NEDD4L: variants seen among roughly 807,000 people sequenced by gnomAD.
NEDD4L encodes the protein NEDD4 like E3 ubiquitin protein ligase, also known as E3 ubiquitin-protein ligase NEDD4-like.
In NEDD4L, 54 loss-of-function variants were observed where a neutral mutation model predicts 148.9. The ratio of observed to expected loss-of-function variants is 0.36; its 90% CI spans 0.29 to 0.45. The LOEUF (loss-of-function observed/expected upper bound fraction) is 0.45, where lower values mean the gene tolerates loss of function less well. Among genes scored for constraint, NEDD4L ranks in the 20% least tolerant of loss-of-function variants. The probability of loss-of-function intolerance (pLI) is 1.00; values close to 1 mark genes in which losing one functional copy is unlikely to be tolerated. For synonymous variants in NEDD4L, 433 were observed against 440.7 expected (o/e 0.98, Z 0.22); for missense variants, 856 against 1,233.8 (o/e 0.69, Z 4.59).
At chr18:58,081,907 G>T (rs2083451324) in intron 1 of NEDD4L, among the ~76,000 whole-genome samples, 1 of 151,560 alleles carries the variant, frequency 6.6e-6, no homozygotes, top group African/African-American at 2.4e-5. Flanking sequence ...ATAGTTGGTG[G>T]TAACTACCTA....
Position 58,185,344 on chromosome 18 carries a change from G to A in NEDD4L, c.122+19483G>A, listed in dbSNP as rs191766425. Reference sequence around the variant, plus strand: ...TATGAAACACTTTAAAACTCCCGGTGTCCACACGTCTTTAAAAAAGAGGCT... The same window carrying A: ...TATGAAACACTTTAAAACTCCCGGTATCCACACGTCTTTAAAAAAGAGGCT... On this transcript the variant is annotated intron_variant, in intron 2 of 30. Coordinates refer to ENST00000400345, the MANE Select transcript of NEDD4L (RefSeq NM_001144967.3). 1.0e-3 allele frequency among the ~76,000 whole-genome samples: 157 copies of A among 152,270 alleles called. 1 individual carries two copies. The highest frequency in any genetic ancestry group is 3.5e-3 in the African/African-American group (147 of 41,538).
At chr18:58,380,515 A>C (rs2048204251) in intron 24 of NEDD4L, among the ~76,000 whole-genome samples, 1 of 151,898 alleles carries the variant, frequency 6.6e-6, no homozygotes, top group Non-Finnish European at 1.5e-5. Flanking sequence ...GATGGGTTTT[A>C]CCATGTTGGC....
intron 5 of NEDD4L, among the ~76,000 whole-genome samples, chr18:58,279,281 G>C (rs2052635567): frequency 2.0e-5 from 3 of 152,140 alleles, no homozygotes. Context: ...GTACCAAAAA[G>C]ATAATGCACA....
intron 1 of NEDD4L, chr18:58,091,161 C>G (rs920301022): frequency 6.6e-6 from 1 of 152,274 alleles, no homozygotes; most frequent in Admixed American, 6.5e-5. Context: ...CCTGTGTTTC[C>G]ACAACAACTC....
intron 2 of NEDD4L, among the ~76,000 whole-genome samples, chr18:58,234,741 A>T (rs158869): frequency 6.6e-6 from 1 of 151,884 alleles, no homozygotes; most frequent in Non-Finnish European, 1.5e-5. Flanking sequence ...TAGAGAATGG[A>T]TCAAGACGAG....
At chr18:58,389,014 T>C in intron 27 of NEDD4L, 71 bp from the exon 28 acceptor site, 1 of 1,186,500 alleles carries the variant, frequency 8.4e-7, no homozygotes, top group Non-Finnish European at 1.2e-6. Context: ...GCACTGAGGG[T>C]GGTCATTTCT....
At chr18:58,114,667 CT>C (rs60575830) in intron 1 of NEDD4L, among the ~76,000 whole-genome samples, 31,580 of 151,922 alleles carry the variant, frequency 0.21, 4,912 homozygotes, top group African/African-American at 0.44. Context: ...GCTATTATAT[CT>C]CATAGTCATA....
chr18:58,055,861 G>A (rs115047703), intron 1 of NEDD4L, among the ~76,000 whole-genome samples: 20 of 152,288 alleles, frequency 1.3e-4, no homozygotes, highest in Non-Finnish European at 2.8e-4. Context: ...TTTTGTGTGT[G>A]CTATGGAAAT....
intron 2 of NEDD4L, among the ~76,000 whole-genome samples, chr18:58,235,317 T>C (rs948416432): frequency 1.8e-4 from 27 of 152,178 alleles, no homozygotes; most frequent in African/African-American, 6.0e-4. Context: ...GTGTCTCCCT[T>C]GGCTAGACCT....
intron 12 of NEDD4L, 102 bp downstream of exon 12, chr18:58,333,994 C>A: frequency 1.4e-6 from 1 of 695,620 alleles, no homozygotes; most frequent in Non-Finnish European, 2.3e-6. Flanking sequence ...AATTTATTTA[C>A]AATATAAATG....
At chr18:58,175,905 C>A (rs994534662) in intron 2 of NEDD4L, among the ~76,000 whole-genome samples, 3 of 152,196 alleles carry the variant, frequency 2.0e-5, no homozygotes, top group Non-Finnish European at 4.4e-5. Flanking sequence ...ACCACCCAGC[C>A]GACCAGGTTT....
At chr18:58,204,048 C>T (rs897651713) in intron 2 of NEDD4L, among the ~76,000 whole-genome samples, 1 of 152,116 alleles carries the variant, frequency 6.6e-6, no homozygotes, top group South Asian at 2.1e-4. Context: ...CCTAGCTGGC[C>T]GGGCGTGGTG....
chr18:58,143,479 C>T (rs1389935627), intron 1 of NEDD4L, among the ~76,000 whole-genome samples: 2 of 152,202 alleles, frequency 1.3e-5, no homozygotes, highest in African/African-American at 2.4e-5. Flanking sequence ...TGCCGAAATG[C>T]CCGCAGGCTC....
intron 2 of NEDD4L, among the ~76,000 whole-genome samples, chr18:58,171,647 C>A (rs2037520662): frequency 6.6e-6 from 1 of 152,242 alleles, no homozygotes; most frequent in South Asian, 2.1e-4. Context: ...TTGAGTGGAA[C>A]ACAATATGGT....
At position 58,256,827 on chromosome 18, in the gene NEDD4L, C is replaced by T. The variant is rs2048650517; in HGVS notation, c.297+4773C>T. 6 of 1,220,484 alleles carry T rather than the reference C, an allele frequency of 4.9e-6. No individual in the cohort carries two copies. The highest frequency in any genetic ancestry group is 6.1e-6 in the Non-Finnish European group (6 of 977,840). 75.6% of individuals were successfully genotyped at this position (1,220,484 alleles called of 1,614,324 possible). On this transcript the variant is annotated intron_variant, in intron 5 of 30. Transcript: ENST00000400345. This position sits in a 1 kb window ranked among gnomAD's most constrained non-coding sequence, Gnocchi z 5.2. ...TTACTGATTTCAACTTCGATGCTTACTCTGCGGCGTAACCAAAATAAAACC... is the reference window on the plus strand; with the variant it reads ...TTACTGATTTCAACTTCGATGCTTATTCTGCGGCGTAACCAAAATAAAACC...
intron 5 of NEDD4L, among the ~76,000 whole-genome samples, chr18:58,296,830 G>A (rs1040937516): frequency 6.6e-6 from 1 of 152,222 alleles, no homozygotes; most frequent in African/African-American, 2.4e-5. Flanking sequence ...GCTGAGGCAG[G>A]AGAACTGCTT....
chr18:58,268,353 C>T (rs2050525282), intron 5 of NEDD4L, among the ~76,000 whole-genome samples: 1 of 151,982 alleles, frequency 6.6e-6, no homozygotes, highest in East Asian at 1.9e-4. Context: ...AGATGTCAGA[C>T]TCTCAGTCAA....
At position 58,400,050 on chromosome 18, in the gene NEDD4L, C is replaced by T. The variant is rs1201038553; in HGVS notation, c.*3781C>T. On this transcript the variant is annotated 3_prime_UTR_variant, in exon 31 of 31. Coordinates refer to ENST00000400345, the MANE Select transcript of NEDD4L (RefSeq NM_001144967.3). Reference sequence around the variant, plus strand: ...GCCTGGGTTAATCAGTTCTGCAGCCCCTACGTGACACTGTGCTAGTTCTCC... The same window carrying T: ...GCCTGGGTTAATCAGTTCTGCAGCCTCTACGTGACACTGTGCTAGTTCTCC... 1 of 152,326 alleles carries T rather than the reference C, an allele frequency of 6.6e-6. No individual in the cohort carries two copies. Among genetic ancestry groups the T allele is most frequent in the African/African-American group, 2.4e-5 (1 of 41,458 alleles). The allele number at this position is 152,326 out of a possible 1,614,324, so 9.4% of individuals were successfully genotyped here. A position where few individuals can be genotyped will look rare whatever the true frequency, so the allele number is the denominator to read the frequency against.
At chr18:58,315,672 G>T (rs1170441233) in intron 5 of NEDD4L, among the ~76,000 whole-genome samples, 1 of 151,932 alleles carries the variant, frequency 6.6e-6, no homozygotes, top group Non-Finnish European at 1.5e-5. Context: ...CTTTCAGCTG[G>T]GCCCAGCTGT....
Sources: allele counts gnomAD v4.1 joint callset (sites outside exome capture counted in the v4.1 genomes callset), GRCh38; gene constraint gnomAD v4.1.1; non-coding constraint Gnocchi (gnomAD v3.1); transcripts MANE v1.5; gene names NCBI Gene and HGNC (gene_info 2026-07-23, HGNC 2026-07-21).